The following PPM1A variants were observed in gnomAD, a reference collection of about 807,000 sequenced individuals.
PPM1A encodes the protein protein phosphatase 1A.
In PPM1A, 7 loss-of-function variants were observed where a neutral mutation model predicts 35.0. That is an observed-to-expected ratio of 0.20 (90% CI 0.11 to 0.38). PPM1A has a LOEUF of 0.38. Among genes scored for constraint, PPM1A ranks in the 10% least tolerant of loss-of-function variants. The probability of loss-of-function intolerance (pLI) is 1.00; values close to 1 mark genes in which losing one functional copy is unlikely to be tolerated. For missense variants in PPM1A, 239 were observed against 467.8 expected (o/e 0.51, Z 4.51); for synonymous variants, 153 against 167.3 (o/e 0.91, Z 0.66).
chr14:60,246,434 T>C (rs1193260241), upstream of PPM1A, among the ~76,000 whole-genome samples: 2 of 152,218 alleles, frequency 1.3e-5, no homozygotes, highest in African/African-American at 2.4e-5. Context: ...ATAATCTTTT[T>C]CTTTGTTAAT....
At chr14:60,272,672 CAG>C (rs1325366048) in intron 1 of PPM1A, among the ~76,000 whole-genome samples, 3 of 120,050 alleles carry the variant, frequency 2.5e-5, no homozygotes, top group Non-Finnish European at 4.8e-5. Flanking sequence ...GCCTGGGCGA[CAG>C]AGTGAGACTC....
At chr14:60,263,154 G>T (rs1883962775) in intron 1 of PPM1A, among the ~76,000 whole-genome samples, 1 of 152,048 alleles carries the variant, frequency 6.6e-6, no homozygotes, top group Admixed American at 6.5e-5. Context: ...GGAGGTGGAG[G>T]TTGCAGTAAG....
At chr14:60,285,037 G>A (rs1886843499) in intron 2 of PPM1A, among the ~76,000 whole-genome samples, 1 of 151,986 alleles carries the variant, frequency 6.6e-6, no homozygotes, top group Admixed American at 6.6e-5. Flanking sequence ...AATGAATGTA[G>A]TTCCTAAAAG....
intron 1 of PPM1A, chr14:60,268,377 T>C (rs1344838422): frequency 1.0e-6 from 1 of 972,702 alleles, no homozygotes; most frequent in African/African-American, 1.8e-5. Flanking sequence ...TTTTCAAATT[T>C]ATTAACAGAG....
At chr14:60,258,192 A>G (rs1266654905) in intron 1 of PPM1A, among the ~76,000 whole-genome samples, 2 of 152,114 alleles carry the variant, frequency 1.3e-5, no homozygotes, top group Admixed American at 1.3e-4. Flanking sequence ...GTAGCTCTAT[A>G]AGTGTAAATA....
intron 1 of PPM1A, among the ~76,000 whole-genome samples, chr14:60,265,018 C>T (rs1463391647): frequency 2.0e-5 from 3 of 152,028 alleles, no homozygotes; most frequent in Non-Finnish European, 4.4e-5. Context: ...TTTGAGTTTG[C>T]TTTTGCAGTC....
Position 60,283,824 on chromosome 14 carries a change from TGAAA to T in PPM1A, c.834+294_834+297del, listed in dbSNP as rs759450215. The stretch of plus-strand genomic sequence containing the variant: ...AAAGATTTTATCAGAGTGCATGTTT[TGAAA>T]GAAAGAGGGTGGGGAGGGTTAGGCC... On this transcript the variant is annotated intron_variant, in intron 2 of 5. Coordinates refer to ENST00000395076, the MANE Select transcript of PPM1A (RefSeq NM_021003.5). This position sits in a 1 kb window ranked among gnomAD's most constrained non-coding sequence, Gnocchi z 6.3. 6.6e-6 allele frequency among the ~76,000 whole-genome samples: 1 copy of T among 152,218 alleles called. No individual in the cohort carries two copies. Among genetic ancestry groups the T allele is most frequent in the African/African-American group, 2.4e-5 (1 of 41,458 alleles).
At chr14:60,245,786 G>C, upstream of PPM1A, 1 of 1,432,292 alleles carries the variant, frequency 7.0e-7, no homozygotes, top group Non-Finnish European at 9.3e-7. The surrounding 1 kb of genome is among the most constrained non-coding windows in gnomAD (Gnocchi z 4.2). Flanking sequence ...AGGAAGGAGG[G>C]CCAGGGTAGG....
At chr14:60,274,462 G>A (rs563617281) in intron 1 of PPM1A, among the ~76,000 whole-genome samples, 2 of 151,906 alleles carry the variant, frequency 1.3e-5, no homozygotes, top group South Asian at 4.2e-4. Context: ...GACACTTGTG[G>A]CTTTAAAAGT....
In PPM1A at chr14:60,249,288, T is replaced by G; in HGVS notation, c.-410T>G. 4 of 973,094 alleles carry G rather than the reference T, an allele frequency of 4.1e-6. No homozygotes were observed. Among genetic ancestry groups the G allele is most frequent in the Non-Finnish European group, 4.8e-6 (4 of 826,466 alleles). 60.3% of individuals were successfully genotyped at this position (973,094 alleles called of 1,614,324 possible). ...GCGCGCGGGAGCTAGAGAGCAGTGGTCTCGGCGCTCGTCCGGCCCGCAGCT... is the reference window on the plus strand; with the variant it reads ...GCGCGCGGGAGCTAGAGAGCAGTGGGCTCGGCGCTCGTCCGGCCCGCAGCT... On this transcript the variant is annotated 5_prime_UTR_variant, in exon 1 of 6. Coordinates refer to ENST00000395076, the MANE Select transcript of PPM1A (RefSeq NM_021003.5). This position sits in a 1 kb window ranked among gnomAD's most constrained non-coding sequence, Gnocchi z 4.5.
chr14:60,274,436 A>C (rs1885510795), intron 1 of PPM1A, among the ~76,000 whole-genome samples: 1 of 152,064 alleles, frequency 6.6e-6, no homozygotes, highest in African/African-American at 2.4e-5. Context: ...AGTTATTTTT[A>C]ATGGGTAACA....
chr14:60,266,320 G>A (rs180903225), intron 1 of PPM1A, among the ~76,000 whole-genome samples: 25 of 152,146 alleles, frequency 1.6e-4, no homozygotes, highest in African/African-American at 4.6e-4. Context: ...CTTAAAAGAC[G>A]TTTGCTTTTC....
Position 60,253,347 on chromosome 14 carries a change from A to C in PPM1A, c.-21+3670A>C, listed in dbSNP as rs1403595349. On this transcript the variant is annotated intron_variant, in intron 1 of 5. Transcript: ENST00000395076. ...TGGCCATTTATTTGTGTTAGGCTTTAATTTTTTGCCATAACCCTCTAAAAT... is the reference window on the plus strand; with the variant it reads ...TGGCCATTTATTTGTGTTAGGCTTTCATTTTTTGCCATAACCCTCTAAAAT... Among the ~76,000 whole-genome samples the C allele has an allele frequency of 2.6e-5, 4 of 152,138 alleles. No homozygotes were observed. In the East Asian group the frequency reaches 7.7e-4, roughly 29 times the overall value.
rs1279710095 is a variant in PPM1A at position 60,296,905 on chromosome 14, A to G, written c.*4423A>G. On this transcript the variant is annotated 3_prime_UTR_variant, in exon 6 of 6. Transcript: ENST00000395076. The surrounding 1 kb of genome is among the most constrained non-coding windows in gnomAD (Gnocchi z 4.4). ...TTTCGATTGTTCTGTATGTTAAGATAGTGGCTTCTGCTCTCACTGTTTTCC... is the reference window on the plus strand; with the variant it reads ...TTTCGATTGTTCTGTATGTTAAGATGGTGGCTTCTGCTCTCACTGTTTTCC... 1 of 285,100 alleles carries G rather than the reference A, an allele frequency of 3.5e-6. No homozygotes were observed. The highest frequency in any genetic ancestry group is 6.5e-6 in the Non-Finnish European group (1 of 154,860). The allele number at this position is 285,100 out of a possible 1,614,324, so 17.7% of individuals were successfully genotyped here.
upstream of PPM1A, among the ~76,000 whole-genome samples, chr14:60,247,891 T>C (rs185665423): frequency 6.6e-6 from 1 of 152,332 alleles, no homozygotes; most frequent in Admixed American, 6.5e-5. Flanking sequence ...TTTACCTTTT[T>C]TACTGGCCAG....
intron 3 of PPM1A, chr14:60,286,330 A>G: frequency 1.0e-6 from 1 of 985,868 alleles, no homozygotes; most frequent in Non-Finnish European, 1.2e-6. Context: ...CCTGGCAGAA[A>G]AGTAACTGCC....
chr14:60,271,206 A>G (rs2139446430), intron 1 of PPM1A, among the ~76,000 whole-genome samples: 1 of 152,302 alleles, frequency 6.6e-6, no homozygotes, highest in Non-Finnish European at 1.5e-5. Context: ...CTGTCTTCAC[A>G]TCACCTTCTC....
rs1266217580 is a variant in PPM1A, at chr14:60,268,971, A to G, written c.-20-13713A>G. Among the ~76,000 whole-genome samples the G allele has an allele frequency of 2.8e-5, 4 of 141,752 alleles. No homozygotes were observed. In the East Asian group the frequency reaches 8.1e-4, roughly 29 times the overall value. The allele number at this position is 141,752 out of a possible 152,430, so 93.0% of individuals were successfully genotyped here. A position where few individuals can be genotyped will look rare whatever the true frequency, so the allele number is the denominator to read the frequency against. On this transcript the variant is annotated intron_variant, in intron 1 of 5. Coordinates refer to ENST00000395076, the MANE Select transcript of PPM1A (RefSeq NM_021003.5). ...TTTTTTTTTTGGTCTGTGGGGTAGG[A>G]TGGGGGAGTGTGTTAGAAATCTATA...
At chr14:60,268,692 T>C (rs1326339161) in intron 1 of PPM1A, among the ~76,000 whole-genome samples, 3 of 151,732 alleles carry the variant, frequency 2.0e-5, no homozygotes, top group Non-Finnish European at 2.9e-5. Context: ...TTCAACACAC[T>C]ATTGCTGGCT....
Sources: gnomAD v4.1 joint callset for allele counts (sites outside exome capture counted in the v4.1 genomes callset) on GRCh38, gnomAD v4.1.1 for gene constraint, Gnocchi (gnomAD v3.1) non-coding constraint, MANE v1.5 for transcripts, NCBI Gene and HGNC (gene_info 2026-07-23, HGNC 2026-07-21) for gene names.